EPHB2: variants seen among roughly 807,000 people sequenced by gnomAD.
The protein encoded by EPHB2 is ephrin type-B receptor 2.
EPHB2 carries 18 observed loss-of-function variants against 96.4 expected under a neutral mutation model. The ratio of observed to expected loss-of-function variants is 0.19; its 90% confidence interval spans 0.13 to 0.28. The LOEUF (loss-of-function observed/expected upper bound fraction) is 0.28, where lower values mean the gene tolerates loss of function less well. Among genes scored for constraint, EPHB2 ranks in the 10% least tolerant of loss-of-function variants. The pLI, the probability that EPHB2 is intolerant of heterozygous loss-of-function variation, is 1.00. For missense variants in EPHB2, 989 were observed against 1,355.4 expected, an observed-to-expected ratio of 0.73 and a Z score of 4.25; for synonymous variants, 506 against 534.1, an observed-to-expected ratio of 0.95 and a Z score of 0.72.
intron 5 of EPHB2, among the ~76,000 whole-genome samples, chr1:22,874,756 C>A (rs116815181): frequency 3.3e-5 from 5 of 152,094 alleles, no homozygotes; most frequent in Admixed American, 2.6e-4. Context: ...AATTGCCACC[C>A]TAGAGAGGGG....
intron 9 of EPHB2, among the ~76,000 whole-genome samples, chr1:22,905,550 T>C (rs1278816669): frequency 6.6e-6 from 1 of 152,188 alleles, no homozygotes; most frequent in Non-Finnish European, 1.5e-5. Flanking sequence ...CACGGTCTAT[T>C]GCCTGCTGTT....
intron 1 of EPHB2, among the ~76,000 whole-genome samples, chr1:22,758,808 C>G (rs1644192222): frequency 6.6e-6 from 1 of 151,916 alleles, no homozygotes; most frequent in African/African-American, 2.4e-5. Flanking sequence ...AGTTCATATC[C>G]TCATTCCCCA....
chr1:22,720,660 T>TCCG (rs1215770523), intron 1 of EPHB2, among the ~76,000 whole-genome samples: 1 of 57,380 alleles, frequency 1.7e-5, no homozygotes, highest in Non-Finnish European at 3.4e-5. Flanking sequence ...GAAATCTCAT[T>TCCG]CCCCCCCCCC....
intron 1 of EPHB2, among the ~76,000 whole-genome samples, chr1:22,750,302 G>T (rs1306765195): frequency 6.6e-6 from 1 of 152,214 alleles, no homozygotes; most frequent in Non-Finnish European, 1.5e-5. Context: ...CAGGCAAGGG[G>T]CAGGGGGAGC....
intron 4 of EPHB2, among the ~76,000 whole-genome samples, chr1:22,863,831 C>G (rs1174591152): frequency 2.0e-5 from 3 of 152,138 alleles, no homozygotes; most frequent in Non-Finnish European, 4.4e-5. Context: ...GTGCCCTCAG[C>G]CTTCTGCCCT....
At chr1:22,825,875 T>C (rs1444654178) in intron 3 of EPHB2, among the ~76,000 whole-genome samples, 1 of 152,022 alleles carries the variant, frequency 6.6e-6, no homozygotes, top group African/African-American at 2.4e-5. Context: ...CAAATGAGGA[T>C]CGTCTGGGGG....
chr1:22,760,224 C>T (rs770151557), intron 1 of EPHB2, among the ~76,000 whole-genome samples: 11 of 151,964 alleles, frequency 7.2e-5, no homozygotes, highest in South Asian at 4.2e-4. Context: ...ATTATCTCCC[C>T]GCATGGAGGA....
intron 1 of EPHB2, 28 bp downstream of exon 1, chr1:22,711,071 A>C (rs1643124323): frequency 1.4e-5 from 2 of 143,538 alleles, no homozygotes; most frequent in African/African-American, 5.1e-5. Flanking sequence ...CGGGCGGGCG[A>C]TGGGGGCGGG....
At position 22,777,272 on chromosome 1, in the gene EPHB2, A is replaced by T. The variant is rs115046874; in HGVS notation, c.62-4149A>T. ...AACTGGAGTGCAGCTTGAGGGTGGA[A>T]TAGATGTGTGATCTTGGGCAAGTTC... On this transcript the variant is annotated intron_variant, in intron 1 of 15. Coordinates refer to ENST00000374630, the MANE Select transcript of EPHB2 (RefSeq NM_017449.5). Among the ~76,000 whole-genome samples the T allele has an allele frequency of 4.6e-3, 700 of 152,316 alleles. 5 individuals carry two copies. The highest frequency in any genetic ancestry group is 0.015 in the African/African-American group (640 of 41,562).
At chr1:22,731,560 C>T (rs1409692707) in intron 1 of EPHB2, among the ~76,000 whole-genome samples, 3 of 152,326 alleles carry the variant, frequency 2.0e-5, no homozygotes, top group African/African-American at 7.2e-5. Context: ...CCATCATCGG[C>T]TAGGCGCGGT....
In EPHB2 at chr1:22,815,830, C is replaced by G. The variant is rs878877965; in HGVS notation, c.811+30754C>G. Among the ~76,000 whole-genome samples the G allele has an allele frequency of 4.6e-5, 7 of 152,230 alleles. No individual in the cohort carries two copies. In the East Asian group the frequency reaches 1.4e-3, roughly 29 times the overall value. On this transcript the variant is annotated intron_variant, in intron 3 of 15. Coordinates refer to ENST00000374630, the MANE Select transcript of EPHB2 (RefSeq NM_017449.5). ...CTGGGGCTGGAAGCATGGCTGGGAG[C>G]CCGGGGCGGTGCTGGAAGTGGAACT...
intron 3 of EPHB2, among the ~76,000 whole-genome samples, chr1:22,861,535 G>T (rs1220556114): frequency 6.6e-6 from 1 of 152,084 alleles, no homozygotes; most frequent in Non-Finnish European, 1.5e-5. Flanking sequence ...GCACTTGCTG[G>T]GTGCAGATTC....
intron 6 of EPHB2, among the ~76,000 whole-genome samples, chr1:22,888,673 C>T (rs915382994): frequency 1.3e-5 from 2 of 152,088 alleles, no homozygotes; most frequent in Non-Finnish European, 2.9e-5. Flanking sequence ...GAGGAGAGAC[C>T]GAAGGGAATT....
intron 6 of EPHB2, among the ~76,000 whole-genome samples, chr1:22,889,232 G>A (rs1639318134): frequency 6.6e-6 from 1 of 152,030 alleles, no homozygotes; most frequent in African/African-American, 2.4e-5. Flanking sequence ...TTAATGAAGG[G>A]AGCTGCTCAG....
chr1:22,784,438 C>T lies in EPHB2; in HGVS notation c.173C>T (p.Thr58Met), dbSNP rs1644577978. ...GYDENMNTIRTYQVCNVFESS... is the reference protein window; with the variant it reads ...GYDENMNTIRMYQVCNVFESS... ...GATGAGAACATGAACACGATCCGCA[C>T]GTACCAGGTGTGCAACGTGTTTGAG... The change falls in exon 3 of 16, where the codon ACG (threonine) becomes ATG (methionine). Residue 58 changes from threonine to methionine, a missense_variant. Thr to Met is a moderately conservative substitution (Grantham distance 81). Transcript: ENST00000374630. This position sits in a 1 kb window ranked among gnomAD's most constrained non-coding sequence, Gnocchi z 5.1. 1 of 1,614,200 alleles carries T rather than the reference C, an allele frequency of 6.2e-7. No individual in the cohort carries two copies. Among genetic ancestry groups the T allele is most frequent in the Non-Finnish European group, 8.5e-7 (1 of 1,180,046 alleles).
intron 3 of EPHB2, among the ~76,000 whole-genome samples, chr1:22,837,562 T>G (rs1046975574): frequency 1.3e-5 from 2 of 152,132 alleles, no homozygotes; most frequent in African/African-American, 4.8e-5. Context: ...TTGCACATTG[T>G]TTAGTAGATT....
intron 5 of EPHB2, among the ~76,000 whole-genome samples, chr1:22,877,954 C>G (rs552075021): frequency 2.6e-5 from 4 of 152,210 alleles, no homozygotes; most frequent in African/African-American, 9.7e-5. Flanking sequence ...TTAATAAACT[C>G]TCCTGGTTAT....
chr1:22,913,797 G>T lies in EPHB2; in HGVS notation c.*227G>T. On this transcript the variant is annotated 3_prime_UTR_variant, in exon 16 of 16. Transcript: ENST00000374630. The surrounding 1 kb of genome is among the most constrained non-coding windows in gnomAD (Gnocchi z 4.1). ...AAAAAGAAAACAGATCCTGGGAGGG[G>T]GCGGGAAATACAAGGAATATTTTTT... 1 of 1,609,996 alleles carries T rather than the reference G, an allele frequency of 6.2e-7. No homozygotes were observed.
intron 14 of EPHB2, 92 bp downstream of exon 14, chr1:22,910,667 C>T (rs952525867): frequency 6.1e-6 from 9 of 1,477,126 alleles, no homozygotes; most frequent in Non-Finnish European, 7.4e-6. Flanking sequence ...AATGCTCTTC[C>T]TTACTGCAGC....
Sources: allele counts gnomAD v4.1 joint callset (sites outside exome capture counted in the v4.1 genomes callset), GRCh38; gene constraint gnomAD v4.1.1; non-coding constraint Gnocchi (gnomAD v3.1); transcripts MANE v1.5; gene names NCBI Gene and HGNC (gene_info 2026-07-23, HGNC 2026-07-21).